The following KCNMB4 variants were observed in gnomAD, a reference collection of about 807,000 sequenced individuals.
KCNMB4 encodes the protein calcium-activated potassium channel subunit beta-4.
KCNMB4 carries 3 observed loss-of-function variants against 20.7 expected under a neutral mutation model. That is an observed-to-expected ratio of 0.14 (90% CI 0.07 to 0.37). The LOEUF (loss-of-function observed/expected upper bound fraction) is 0.37. Ranked by LOEUF, KCNMB4 falls within the 10% of genes least tolerant of loss-of-function variation. The pLI, the probability that KCNMB4 is intolerant of heterozygous loss-of-function variation, is 1.00. For synonymous variants in KCNMB4, 110 were observed against 113.4 expected, an observed-to-expected ratio of 0.97 and a Z score of 0.19; for missense variants, 168 against 265.9, an observed-to-expected ratio of 0.63 and a Z score of 2.56.
chr12:70,396,366 T>G (rs1868351101), intron 1 of KCNMB4, among the ~76,000 whole-genome samples: 1 of 152,204 alleles, frequency 6.6e-6, no homozygotes, highest in Admixed American at 6.5e-5. Flanking sequence ...GTGCAAGTGG[T>G]ATAATCTCAG....
At chr12:70,398,129 C>G (rs1868372529) in intron 1 of KCNMB4, among the ~76,000 whole-genome samples, 1 of 152,156 alleles carries the variant, frequency 6.6e-6, no homozygotes, top group Non-Finnish European at 1.5e-5. Context: ...ACCTACCACA[C>G]TCCTCCTCTT....
At chr12:70,426,651 A>G (rs1299023881) in intron 2 of KCNMB4, among the ~76,000 whole-genome samples, 1 of 152,230 alleles carries the variant, frequency 6.6e-6, no homozygotes, top group Non-Finnish European at 1.5e-5. Flanking sequence ...TCATGTCATT[A>G]TTTTAAATTG....
chr12:70,419,139 T>C (rs1490994881), intron 2 of KCNMB4, among the ~76,000 whole-genome samples: 2 of 152,212 alleles, frequency 1.3e-5, no homozygotes, highest in Admixed American at 6.5e-5. Flanking sequence ...CCTTTTGATG[T>C]TTAAGAATTA....
intron 1 of KCNMB4, among the ~76,000 whole-genome samples, chr12:70,387,148 C>T (rs1466147228): frequency 6.6e-6 from 1 of 151,532 alleles, no homozygotes; most frequent in African/African-American, 2.4e-5. Context: ...CTTTCTTAAG[C>T]TTTTATCATA....
intron 2 of KCNMB4, among the ~76,000 whole-genome samples, chr12:70,429,597 G>A (rs562881576): frequency 1.7e-3 from 259 of 151,140 alleles, no homozygotes; most frequent in African/African-American, 6.1e-3. Context: ...AACCCAGGAG[G>A]CGGAGCTTGC....
At chr12:70,416,021 C>T (rs1276610415) in intron 2 of KCNMB4, among the ~76,000 whole-genome samples, 2 of 152,164 alleles carry the variant, frequency 1.3e-5, no homozygotes, top group Admixed American at 1.3e-4. Flanking sequence ...CCCAAATAAA[C>T]ATCTCTAAAC....
At chr12:70,385,774 C>T (rs3782384) in intron 1 of KCNMB4, among the ~76,000 whole-genome samples, 13,403 of 152,200 alleles carry the variant, frequency 0.088, 680 homozygotes, top group Admixed American at 0.16. Flanking sequence ...TAAATTTGAA[C>T]TCATAGGATG....
At chr12:70,378,073 C>T (rs1188503619) in intron 1 of KCNMB4, among the ~76,000 whole-genome samples, 1 of 151,864 alleles carries the variant, frequency 6.6e-6, no homozygotes, top group Non-Finnish European at 1.5e-5. Flanking sequence ...CGTCAGCCTC[C>T]TGAGTAGCTG....
chr12:70,421,470 G>GAAAAAAAAAAAAAAAAAAAAAAAAAA, intron 2 of KCNMB4, among the ~76,000 whole-genome samples: 1 of 75,672 alleles, frequency 1.3e-5, no homozygotes, highest in Non-Finnish European at 2.4e-5. Flanking sequence ...TCTCAAAAAA[G>GAAAAAAAAAAAAAAAAAAAAAAAAAA]AAAAAAAAAA....
At chr12:70,402,327 G>A (rs1330141964) in intron 2 of KCNMB4, among the ~76,000 whole-genome samples, 3 of 151,920 alleles carry the variant, frequency 2.0e-5, no homozygotes, top group African/African-American at 4.8e-5. Flanking sequence ...AAAGAAATTA[G>A]GAAATGTATT....
Position 70,366,878 on chromosome 12 carries a change from A to C in KCNMB4, c.144A>C (p.Gln48His). The change falls in exon 1 of 3, where the codon CAA becomes CAC. Residue 48 changes from glutamine to histidine, a missense_variant. Transcript: ENST00000258111. ...CWLSPALQDL[Q>H]ATEANCTVLS... ...TGAGTCCCGCGCTGCAGGATCTGCA[A>C]GCCACGGAGGCCAATTGCACGGTGC... is the stretch of plus-strand genomic sequence containing the variant. 1 of 1,613,594 alleles carries C rather than the reference A, an allele frequency of 6.2e-7. No individual in the cohort carries two copies.
At chr12:70,413,661 C>T (rs1868842507) in intron 2 of KCNMB4, among the ~76,000 whole-genome samples, 1 of 152,162 alleles carries the variant, frequency 6.6e-6, no homozygotes, top group African/African-American at 2.4e-5. Context: ...AGACACTTTT[C>T]ATTCATTTGC....
chr12:70,393,701 G>C (rs763735907), intron 1 of KCNMB4, among the ~76,000 whole-genome samples: 3 of 152,120 alleles, frequency 2.0e-5, no homozygotes, highest in Non-Finnish European at 4.4e-5. Flanking sequence ...CTATGCATTG[G>C]AGCGTGGGTG....
intron 1 of KCNMB4, among the ~76,000 whole-genome samples, chr12:70,398,343 G>C (rs1014086611): frequency 9.2e-5 from 14 of 152,184 alleles, no homozygotes; most frequent in African/African-American, 3.1e-4. Context: ...ATGAAGTCCA[G>C]AAAAGGGAAG....
In KCNMB4 at chr12:70,396,040, G is replaced by A. The variant is rs1593333534; in HGVS notation, c.337-4169G>A. Among the ~76,000 whole-genome samples, 6 of 152,274 alleles carry A rather than the reference G, an allele frequency of 3.9e-5. 1 individual carries two copies. The highest frequency in any genetic ancestry group is 3.9e-4 in the Admixed American group (6 of 15,298). On this transcript the variant is annotated intron_variant, in intron 1 of 2. Transcript: ENST00000258111. The stretch of plus-strand genomic sequence containing the variant: ...AAAGACTTACAGTGCATTTCTCTGA[G>A]GATGTACCAGGAAGACAAAGGACTG...
chr12:70,376,626 G>A (rs1326894198), intron 1 of KCNMB4, among the ~76,000 whole-genome samples: 2 of 152,084 alleles, frequency 1.3e-5, no homozygotes, highest in South Asian at 4.1e-4. Context: ...CCAGCACTTT[G>A]GGAGGCCAAA....
At chr12:70,391,424 T>C (rs904458671) in intron 1 of KCNMB4, among the ~76,000 whole-genome samples, 2 of 152,058 alleles carry the variant, frequency 1.3e-5, no homozygotes, top group Non-Finnish European at 2.9e-5. Flanking sequence ...CCTCTCAATC[T>C]CCTGACTAAC....
At chr12:70,378,685 C>T (rs569817973) in intron 1 of KCNMB4, among the ~76,000 whole-genome samples, 11 of 152,050 alleles carry the variant, frequency 7.2e-5, no homozygotes, top group African/African-American at 1.9e-4. Flanking sequence ...TACAGTTGCA[C>T]GCCACCATGC....
intron 2 of KCNMB4, among the ~76,000 whole-genome samples, chr12:70,400,865 T>C (rs926466876): frequency 6.6e-6 from 1 of 152,198 alleles, no homozygotes; most frequent in Non-Finnish European, 1.5e-5. Flanking sequence ...GCTGTACATC[T>C]CCACTTGGAT....
Sources: allele counts gnomAD v4.1 joint callset (sites outside exome capture counted in the v4.1 genomes callset), GRCh38; gene constraint gnomAD v4.1.1; transcripts MANE v1.5; gene names NCBI Gene and HGNC (gene_info 2026-07-23, HGNC 2026-07-21).